Variants in SEL1L observed in about 807,000 individuals in gnomAD.
SEL1L encodes the protein SEL1L adaptor subunit of SYVN1 ubiquitin ligase.
Under a neutral mutation model 109.8 loss-of-function variants are expected in SEL1L, and 52 were observed. The observed-to-expected ratio is 0.47, with a 90% CI of 0.38 to 0.60. SEL1L has a LOEUF of 0.60. SEL1L is among the 20% of genes least tolerant of loss of function. SEL1L has a pLI of 0.00. For missense variants in SEL1L, 749 were observed against 962.2 expected, an observed-to-expected ratio of 0.78 and a Z score of 2.93; for synonymous variants, 373 against 339.6, an observed-to-expected ratio of 1.10 and a Z score of -1.08.
chr14:81,489,375 T>C, intron 13 of SEL1L, 61 bp from the exon 14 acceptor site: 1 of 1,289,434 alleles, frequency 7.8e-7, no homozygotes, highest in Non-Finnish European at 1.1e-6. Context: ...TAGGCAAGAA[T>C]AAATAACTGC....
chr14:81,480,497 G>A (rs1055498953), intron 19 of SEL1L, among the ~76,000 whole-genome samples: 3 of 152,146 alleles, frequency 2.0e-5, no homozygotes, highest in Admixed American at 6.5e-5. Flanking sequence ...AGCGAGGCAG[G>A]AGGATCACTT....
At chr14:81,533,118 C>T (rs1885398754) in intron 1 of SEL1L, among the ~76,000 whole-genome samples, 1 of 152,118 alleles carries the variant, frequency 6.6e-6, no homozygotes, top group Admixed American at 6.5e-5. Context: ...TGACAGGTCA[C>T]CGCTTTCTCA....
intron 18 of SEL1L, among the ~76,000 whole-genome samples, chr14:81,485,465 T>A (rs575105790): frequency 6.6e-6 from 1 of 151,624 alleles, no homozygotes; most frequent in South Asian, 2.1e-4. Context: ...TTTTTTTTTT[T>A]AGTAGAGACA....
At chr14:81,501,789 A>G (rs1884019369) in intron 6 of SEL1L, among the ~76,000 whole-genome samples, 1 of 152,184 alleles carries the variant, frequency 6.6e-6, no homozygotes, top group Non-Finnish European at 1.5e-5. Flanking sequence ...CTGATGTGAT[A>G]CAATGTAGAA....
At chr14:81,522,465 T>C (rs577760398) in intron 3 of SEL1L, among the ~76,000 whole-genome samples, 2 of 152,368 alleles carry the variant, frequency 1.3e-5, no homozygotes, top group African/African-American at 4.8e-5. Context: ...TACACATAAT[T>C]ACCACTGTGT....
chr14:81,487,555 A>T lies in SEL1L; in HGVS notation c.1484-17T>A, dbSNP rs767593644. 7 of 1,592,908 alleles carry T rather than the reference A, an allele frequency of 4.4e-6. No individual in the cohort carries two copies. The highest frequency in any genetic ancestry group is 5.1e-6 in the Non-Finnish European group (6 of 1,175,680). On this transcript the variant is annotated splice_polypyrimidine_tract_variant and intron_variant, in intron 15 of 20. Transcript: ENST00000336735. The stretch of plus-strand genomic sequence containing the variant: ...CAATGCCATCTGTAAGAAAAAAAAA[A>T]ATCACACGAGATAATAGACTTAAGA...
Position 81,484,415 on chromosome 14 carries a change from T to C in SEL1L, c.1874-18A>G, listed in dbSNP as rs780681165. On this transcript the variant is annotated intron_variant, in intron 18 of 20. Coordinates refer to ENST00000336735, the MANE Select transcript of SEL1L (RefSeq NM_005065.6). ...AGTATAGCCTTAAACAAAAGTTAAATGCAGAACTGCCAATAAATAAAGTAT... is the reference window on the plus strand; with the variant it reads ...AGTATAGCCTTAAACAAAAGTTAAACGCAGAACTGCCAATAAATAAAGTAT... 17 of 1,593,052 alleles carry C rather than the reference T, an allele frequency of 1.1e-5. No individual in the cohort carries two copies. The highest frequency in any genetic ancestry group is 1.5e-5 in the Non-Finnish European group (17 of 1,163,540).
chr14:81,480,002 T>C (rs1402956853), intron 19 of SEL1L, among the ~76,000 whole-genome samples: 1 of 152,156 alleles, frequency 6.6e-6, no homozygotes, highest in East Asian at 1.9e-4. Context: ...CATACAGCCA[T>C]ATATCTATGC....
chr14:81,485,702 A>G lies in SEL1L; in HGVS notation c.1843T>C (p.Leu615=). The G allele has an allele frequency of 6.2e-7, 1 of 1,614,078 alleles. No homozygotes were observed. The highest frequency in any genetic ancestry group is 8.5e-7 in the Non-Finnish European group (1 of 1,179,966). Residue 615 remains leucine, a synonymous_variant, in exon 18 of 21, where the codon TTG becomes CTG. Transcript: ENST00000336735. ...VGENETYPRA[L]LHWNRAASQG... is the part of the protein sequence containing the mutation. ...GAGGCGGCCCTGTTCCAATGTAGCA[A>G]AGCTCTGGGATAAGTTTCATTCTCA... is the stretch of plus-strand genomic sequence containing the variant.
chr14:81,509,411 A>G (rs1884373332), intron 3 of SEL1L, among the ~76,000 whole-genome samples: 1 of 152,218 alleles, frequency 6.6e-6, no homozygotes, highest in Non-Finnish European at 1.5e-5. Flanking sequence ...GAAAGGGAAA[A>G]ATGGGTTCTC....
chr14:81,492,448 A>G (rs1035425176), intron 12 of SEL1L, 32 bp downstream of exon 12: 7 of 1,478,216 alleles, frequency 4.7e-6, no homozygotes, highest in Non-Finnish European at 6.6e-6. Flanking sequence ...ACCTCTTGCT[A>G]TTACATAAAA....
intron 3 of SEL1L, among the ~76,000 whole-genome samples, chr14:81,516,211 A>C (rs770815685): frequency 2.0e-5 from 3 of 152,166 alleles, no homozygotes; most frequent in Non-Finnish European, 4.4e-5. Context: ...CATCACCCTC[A>C]CCGAGCCCCG....
chr14:81,498,559 C>A, intron 8 of SEL1L, 65 bp from the exon 9 acceptor site: 1 of 1,247,056 alleles, frequency 8.0e-7, no homozygotes, highest in Non-Finnish European at 1.2e-6. Flanking sequence ...CTTCGTGGAA[C>A]AAATAAAGCT....
At chr14:81,486,911 A>C (rs1903538239) in intron 16 of SEL1L, among the ~76,000 whole-genome samples, 1 of 152,020 alleles carries the variant, frequency 6.6e-6, no homozygotes, top group African/African-American at 2.4e-5. Context: ...GACAATTTCC[A>C]ATTAGGAGAT....
chr14:81,504,484 AAAAT>A (rs1884150808), intron 4 of SEL1L, among the ~76,000 whole-genome samples, 178 bp from the exon 5 acceptor site: 1 of 142,288 alleles, frequency 7.0e-6, no homozygotes, highest in Admixed American at 6.7e-5. Context: ...AAACTTAAAA[AAAAT>A]ATATATATAT....
intron 18 of SEL1L, 82 bp from the exon 19 acceptor site, chr14:81,484,479 A>C: frequency 7.9e-7 from 1 of 1,269,190 alleles, no homozygotes; most frequent in Non-Finnish European, 1.1e-6. Context: ...TCCCATTGAC[A>C]TGCTTACATA....
At chr14:81,485,576 G>A in intron 18 of SEL1L, 96 bp downstream of exon 18, 1 of 1,082,550 alleles carries the variant, frequency 9.2e-7, no homozygotes, top group Non-Finnish European at 1.4e-6. Context: ...ACAGGCGTGA[G>A]CCACAGTACT....
chr14:81,532,359 A>T (rs1238735972), intron 1 of SEL1L, among the ~76,000 whole-genome samples: 2 of 152,222 alleles, frequency 1.3e-5, no homozygotes, highest in Non-Finnish European at 2.9e-5. Flanking sequence ...CTGATGCAGG[A>T]GGTCCATGGT....
At chr14:81,480,775 T>G (rs897167408) in intron 19 of SEL1L, among the ~76,000 whole-genome samples, 7 of 152,218 alleles carry the variant, frequency 4.6e-5, no homozygotes, top group African/African-American at 7.2e-5. Context: ...AGGGACTCGA[T>G]TCTGCAGTTC....
Sources: gnomAD v4.1 joint callset for allele counts (sites outside exome capture counted in the v4.1 genomes callset) on GRCh38, gnomAD v4.1.1 for gene constraint, MANE v1.5 for transcripts, NCBI Gene and HGNC (gene_info 2026-07-23, HGNC 2026-07-21) for gene names.